The following FAIM variants were observed in gnomAD, a reference collection of about 807,000 sequenced individuals.
FAIM encodes the protein fas apoptotic inhibitory molecule 1.
Under a neutral mutation model 21.2 loss-of-function variants are expected in FAIM, and 14 were observed. That is an observed-to-expected ratio of 0.66 (90% CI 0.44 to 1.03). FAIM has a LOEUF of 1.03. Among genes scored for constraint, FAIM ranks in the 50% least tolerant of loss-of-function variants. FAIM has a pLI of 0.00. For synonymous variants in FAIM, 86 were observed against 80.4 expected (o/e 1.07, Z -0.37); for missense variants, 222 against 247.1 (o/e 0.90, Z 0.68).
At chr3:138,625,982 G>A (rs1393851852) in intron 4 of FAIM, among the ~76,000 whole-genome samples, 1 of 152,168 alleles carries the variant, frequency 6.6e-6, no homozygotes, top group Non-Finnish European at 1.5e-5. Flanking sequence ...GAATACCATG[G>A]GAGGAAAATA....
rs143028116 is a variant in FAIM at position 138,613,100 on chromosome 3, C to T, written c.-17+4163C>T. On this transcript the variant is annotated intron_variant, in intron 1 of 5. Coordinates refer to ENST00000360570, the MANE Select transcript of FAIM (RefSeq NM_001033031.2). The stretch of plus-strand genomic sequence containing the variant: ...CATGATCTTGGTTTACTGCAGCCTC[C>T]GCCTCCTGGGTTCAAGCGATTCTCC... Among the ~76,000 whole-genome samples the T allele has an allele frequency of 3.9e-3, 594 of 151,452 alleles. 3 individuals are homozygous for T. Among genetic ancestry groups the T allele is most frequent in the African/African-American group, 0.014 (577 of 41,272 alleles).
chr3:138,615,781 C>G (rs1309187339), intron 1 of FAIM, among the ~76,000 whole-genome samples: 1 of 152,136 alleles, frequency 6.6e-6, no homozygotes, highest in Non-Finnish European at 1.5e-5. Context: ...TATGTGTGCT[C>G]TCCTGCTTTT....
chr3:138,623,667 CCTT>C (rs1456318325), intron 4 of FAIM, among the ~76,000 whole-genome samples: 3 of 152,134 alleles, frequency 2.0e-5, no homozygotes, highest in African/African-American at 7.2e-5. Context: ...CTGTGCCCAC[CCTT>C]CTTTTCATTC....
intron 1 of FAIM, among the ~76,000 whole-genome samples, chr3:138,611,508 TAAACAG>T (rs970056712): frequency 7.9e-5 from 12 of 152,222 alleles, no homozygotes; most frequent in Non-Finnish European, 1.8e-4. Context: ...TTCAATACCT[TAAACAG>T]AAACACAGTA....
At chr3:138,614,056 C>A (rs1410500339) in intron 1 of FAIM, among the ~76,000 whole-genome samples, 1 of 152,180 alleles carries the variant, frequency 6.6e-6, no homozygotes, top group Admixed American at 6.5e-5. Flanking sequence ...ATTCTTTCCC[C>A]ACCAGTTAGA....
intron 3 of FAIM, 141 bp downstream of exon 3, chr3:138,621,680 C>G (rs1003577877): frequency 1.5e-6 from 1 of 660,766 alleles, no homozygotes; most frequent in Admixed American, 3.4e-5. Flanking sequence ...CTGTGTAAAG[C>G]AAACATAGTT....
At chr3:138,624,263 G>A (rs2042916898) in intron 4 of FAIM, among the ~76,000 whole-genome samples, 1 of 152,090 alleles carries the variant, frequency 6.6e-6, no homozygotes, top group Non-Finnish European at 1.5e-5. Context: ...ATTAATTTTA[G>A]GTACTTAATC....
At chr3:138,617,548 CCTAT>C (rs1364222042) in intron 1 of FAIM, among the ~76,000 whole-genome samples, 2 of 146,308 alleles carry the variant, frequency 1.4e-5, no homozygotes, top group Admixed American at 6.9e-5. Flanking sequence ...TACCTATCTA[CCTAT>C]CTGTCTATCT....
At chr3:138,630,452 T>C (rs1224493635) in intron 5 of FAIM, 1 of 152,162 alleles carries the variant, frequency 6.6e-6, no homozygotes, top group Non-Finnish European at 1.5e-5. Context: ...GACCCATCTC[T>C]AAAAAAATTA....
In FAIM at chr3:138,622,310, T is replaced by G. The variant is rs769599326; in HGVS notation, c.300T>G (p.Thr100=). ...TCAGTGGTTTTGCTTATGAATATAC[T>G]CTGGAAATTAATGGGAAAAGTCTCA... ...DAISGFAYEY[T]LEINGKSLKK... Residue 100 remains threonine (T), a synonymous_variant, in exon 4 of 6, where the codon ACT becomes ACG. Transcript: ENST00000360570. 6.2e-7 allele frequency: 1 copy of G among 1,613,976 alleles called. No individual in the cohort carries two copies. The highest frequency in any genetic ancestry group is 2.2e-5 in the East Asian group (1 of 44,826).
At chr3:138,624,607 T>G (rs183705146) in intron 4 of FAIM, among the ~76,000 whole-genome samples, 4 of 152,296 alleles carry the variant, frequency 2.6e-5, no homozygotes, top group Admixed American at 2.6e-4. Context: ...TTATTGATAT[T>G]GCTTGCACTT....
chr3:138,616,345 T>C (rs528530568), intron 1 of FAIM, among the ~76,000 whole-genome samples: 2 of 152,364 alleles, frequency 1.3e-5, no homozygotes, highest in African/African-American at 4.8e-5. Flanking sequence ...GAATATACTT[T>C]TAATGTTCCA....
At chr3:138,624,354 C>T (rs2042917581) in intron 4 of FAIM, among the ~76,000 whole-genome samples, 2 of 152,178 alleles carry the variant, frequency 1.3e-5, no homozygotes, top group South Asian at 4.1e-4. Context: ...CTATGCCTAG[C>T]ATACAGTTAG....
rs750668271 is a variant in FAIM at position 138,621,415 on chromosome 3, A to G, written c.53A>G (p.Tyr18Cys). Residue 18 changes from tyrosine to cysteine, a missense_variant, in exon 3 of 6, where the codon TAC (tyrosine) becomes TGC (cysteine). Tyr to Cys is a radical substitution (Grantham distance 194). Transcript: ENST00000360570. ...PIFEDDESPPYSLEKMTDLVA... is the reference protein window; with the variant it reads ...PIFEDDESPPCSLEKMTDLVA... ...TTATTTTATTCCTTTAGCCCTCCTT[A>G]CAGCCTAGAAAAAATGACAGATCTC... 1.9e-6 allele frequency: 3 copies of G among 1,613,804 alleles called. No homozygotes were observed. The highest frequency in any genetic ancestry group is 1.7e-6 in the Non-Finnish European group (2 of 1,179,940).
chr3:138,626,039 ATTCTCT>A (rs2042935778), intron 4 of FAIM, among the ~76,000 whole-genome samples: 1 of 152,228 alleles, frequency 6.6e-6, no homozygotes, highest in Non-Finnish European at 1.5e-5. Context: ...CTGGAAGGAA[ATTCTCT>A]TTCTGTTCTG....
chr3:138,619,791 T>A, intron 2 of FAIM, 21 bp downstream of exon 2: 1 of 1,592,748 alleles, frequency 6.3e-7, no homozygotes, highest in South Asian at 1.1e-5. Flanking sequence ...TATATTGCAG[T>A]AAACTAGCCT....
At chr3:138,618,478 C>T (rs1238035716) in intron 1 of FAIM, among the ~76,000 whole-genome samples, 1 of 151,976 alleles carries the variant, frequency 6.6e-6, no homozygotes, top group Non-Finnish European at 1.5e-5. Flanking sequence ...ACCAGCCTGA[C>T]CAACATGGCA....
intron 1 of FAIM, among the ~76,000 whole-genome samples, chr3:138,615,850 A>G (rs943541705): frequency 1.3e-5 from 2 of 152,258 alleles, no homozygotes; most frequent in East Asian, 3.8e-4. Context: ...TGGAATGTGT[A>G]AACTGACAGA....
At position 138,626,044 on chromosome 3, in the gene FAIM, CT is replaced by C. The variant is rs567761365; in HGVS notation, c.407-3060del. On this transcript the variant is annotated intron_variant, in intron 4 of 5. Coordinates refer to ENST00000360570, the MANE Select transcript of FAIM (RefSeq NM_001033031.2). The stretch of plus-strand genomic sequence containing the variant: ...AAACTTCACGCTGGAAGGAAATTCT[CT>C]TTCTGTTCTGAAAAGTTTCTCTTTG... Among the ~76,000 whole-genome samples the C allele has an allele frequency of 1.3e-4, 20 of 152,322 alleles. No homozygotes were observed. In the East Asian group the frequency reaches 3.1e-3, roughly 23 times the overall value.
Sources: gnomAD v4.1 joint callset for allele counts (sites outside exome capture counted in the v4.1 genomes callset) on GRCh38, gnomAD v4.1.1 for gene constraint, MANE v1.5 for transcripts, NCBI Gene and HGNC (gene_info 2026-07-23, HGNC 2026-07-21) for gene names.